FYB2: variants seen among roughly 807,000 people sequenced by gnomAD.
FYB2 encodes the protein FYN-binding protein 2.
In FYB2, 103 loss-of-function variants were observed where a neutral mutation model predicts 94.1. That is an observed-to-expected ratio of 1.09 (90% CI 0.93 to 1.29). FYB2 has a LOEUF of 1.29. FYB2 is among the 50% of genes most tolerant of loss of function. FYB2 has a pLI of 0.00. For synonymous variants in FYB2, 293 were observed against 287.9 expected, an observed-to-expected ratio of 1.02 and a Z score of -0.18; for missense variants, 896 against 841.5, an observed-to-expected ratio of 1.06 and a Z score of -0.80.
At position 56,720,399 on chromosome 1, in the gene FYB2, G is replaced by A. The variant is rs1159744087; in HGVS notation, c.1975-70C>T. 13 of 1,362,442 alleles carry A rather than the reference G, an allele frequency of 9.5e-6. No homozygotes were observed. The South Asian group carries it at 9.6e-5, about 10-fold the overall frequency. The allele number at this position is 1,362,442 out of a possible 1,614,324, so 84.4% of individuals were successfully genotyped here. A position where few individuals can be genotyped will look rare whatever the true frequency, so the allele number is the denominator to read the frequency against. On this transcript the variant is annotated intron_variant, in intron 17 of 19. Transcript: ENST00000343433. ...ATTTTTCATAACAAAATTAATGGAG[G>A]ATATAATATAGTAACTTCAAAATTA... is the stretch of plus-strand genomic sequence containing the variant.
chr1:56,817,836 C>T (rs1646918286), intron 1 of FYB2, among the ~76,000 whole-genome samples: 3 of 152,172 alleles, frequency 2.0e-5, no homozygotes, highest in African/African-American at 4.8e-5. Flanking sequence ...ATTTGCCTAA[C>T]ATTCTTCCTG....
intron 2 of FYB2, among the ~76,000 whole-genome samples, chr1:56,789,598 G>A (rs1047055442): frequency 4.3e-4 from 65 of 152,122 alleles, no homozygotes; most frequent in African/African-American, 1.5e-3. Context: ...CTGCTCCAAT[G>A]ACACCTCCTC....
chr1:56,787,066 C>T, intron 4 of FYB2, 109 bp downstream of exon 4: 1 of 1,235,572 alleles, frequency 8.1e-7, no homozygotes, highest in Non-Finnish European at 1.2e-6. Context: ...TTCTGAAACC[C>T]TTCTGAGAAA....
chr1:56,769,061 C>T (rs934430835), intron 4 of FYB2, among the ~76,000 whole-genome samples: 3 of 152,022 alleles, frequency 2.0e-5, no homozygotes, highest in Non-Finnish European at 4.4e-5. Context: ...TTTTTTGAGA[C>T]AGGTTCTCAT....
intron 1 of FYB2, among the ~76,000 whole-genome samples, chr1:56,812,847 A>G (rs554284936): frequency 7.9e-5 from 12 of 152,294 alleles, no homozygotes; most frequent in Non-Finnish European, 2.9e-5. Flanking sequence ...ATTTACATAA[A>G]TTCTCTCATT....
chr1:56,723,739 T>C, intron 16 of FYB2, 58 bp from the exon 17 acceptor site: 1 of 985,592 alleles, frequency 1.0e-6, no homozygotes, highest in Non-Finnish European at 1.5e-6. Context: ...TTTAAGTTTC[T>C]GAGCCTACGA....
chr1:56,728,382 T>C (rs1418956252), intron 15 of FYB2, among the ~76,000 whole-genome samples: 1 of 152,118 alleles, frequency 6.6e-6, no homozygotes. Flanking sequence ...CTTTGTTAAC[T>C]AATTTATCAA....
chr1:56,723,223 A>ACG (rs967576171), intron 17 of FYB2, among the ~76,000 whole-genome samples: 5 of 144,252 alleles, frequency 3.5e-5, no homozygotes, highest in South Asian at 4.4e-4. Flanking sequence ...ACACACACAC[A>ACG]CGCACACACA....
At chr1:56,749,395 A>AT (rs1645144402) in intron 9 of FYB2, among the ~76,000 whole-genome samples, 1 of 151,722 alleles carries the variant, frequency 6.6e-6, no homozygotes, top group South Asian at 2.1e-4. Context: ...TTTTAAAATC[A>AT]TTTTTCCCTA....
Position 56,755,345 on chromosome 1 carries a change from A to G in FYB2, c.1130+551T>C, listed in dbSNP as rs1224565892. Reference sequence around the variant, plus strand: ...CTGTGCAAACAGACCTTACAGTGGTACCACAGGCAAGGGATTGGTCACTTC... The same window carrying G: ...CTGTGCAAACAGACCTTACAGTGGTGCCACAGGCAAGGGATTGGTCACTTC... On this transcript the variant is annotated intron_variant, in intron 7 of 19. Transcript: ENST00000343433. 2.6e-5 allele frequency among the ~76,000 whole-genome samples: 4 copies of G among 152,122 alleles called. No individual in the cohort carries two copies. The East Asian group carries it at 7.7e-4, about 29-fold the overall frequency.
At position 56,808,707 on chromosome 1, in the gene FYB2, A is replaced by G. The variant is rs141782766; in HGVS notation, c.9+10575T>C. Among the ~76,000 whole-genome samples, 29 of 152,302 alleles carry G rather than the reference A, an allele frequency of 1.9e-4. 1 individual carries two copies. Among genetic ancestry groups the G allele is most frequent in the African/African-American group, 7.0e-4 (29 of 41,566 alleles). On this transcript the variant is annotated intron_variant, in intron 1 of 19. Transcript: ENST00000343433. Reference sequence around the variant, plus strand: ...CCATGCACTGCTAGCTTTAAAGAGAAACTGTGTACTGTATGCTGTAATAGA... The same window carrying G: ...CCATGCACTGCTAGCTTTAAAGAGAGACTGTGTACTGTATGCTGTAATAGA...
chr1:56,809,423 C>CTTTA (rs761721676), intron 1 of FYB2, among the ~76,000 whole-genome samples: 6 of 152,058 alleles, frequency 3.9e-5, no homozygotes, highest in Non-Finnish European at 8.8e-5. Flanking sequence ...TTTGCTCTTC[C>CTTTA]TTTATTCCCT....
chr1:56,819,449 G>A (rs564434564), upstream of FYB2: 469 of 1,047,570 alleles, frequency 4.5e-4, 2 homozygotes, highest in East Asian at 0.011. Context: ...CATCTGGGCC[G>A]AGGCTCCTCC....
chr1:56,738,606 A>T lies in FYB2; in HGVS notation c.1732+19T>A, dbSNP rs201163285. 155 of 1,606,874 alleles carry T rather than the reference A, an allele frequency of 9.6e-5. No homozygotes were observed. The highest frequency in any genetic ancestry group is 6.6e-4 in the Middle Eastern group (4 of 6,032). On this transcript the variant is annotated intron_variant, in intron 14 of 19. Coordinates refer to ENST00000343433, the MANE Select transcript of FYB2 (RefSeq NM_001004303.5). ...AAAAGCTGAGTACTTTTGGTCTGCA[A>T]TAAGCAAATGGCACTTACCTAAATC...
chr1:56,730,295 T>A (rs1211245646), intron 15 of FYB2, among the ~76,000 whole-genome samples: 1 of 82,250 alleles, frequency 1.2e-5, no homozygotes, highest in African/African-American at 4.6e-5. Flanking sequence ...GAGAGAGAGA[T>A]GGGGTGAGAA....
intron 5 of FYB2, among the ~76,000 whole-genome samples, chr1:56,767,116 C>A (rs764364116): frequency 1.3e-5 from 2 of 152,202 alleles, no homozygotes; most frequent in Non-Finnish European, 2.9e-5. Flanking sequence ...TAACACAGAA[C>A]TACAGTATCC....
In FYB2 at chr1:56,751,167, T is replaced by C; in HGVS notation, c.1264A>G (p.Met422Val). The change falls in exon 9 of 20, where the codon ATG becomes GTG. Residue 422 changes from methionine to valine, a missense_variant. Transcript: ENST00000343433. ...CTTCTACCTGTGTGGACGTTGGTCA[T>C]CTGAATTTTTTCAGGTGTCCCTTCA... The part of the protein sequence containing the change: ...ACEGTPEKIQ[M>V]TNVHTGRRNM... The C allele has an allele frequency of 3.1e-6, 5 of 1,612,672 alleles. No individual in the cohort carries two copies. The highest frequency in any genetic ancestry group is 1.1e-5 in the South Asian group (1 of 91,048).
At chr1:56,773,121 G>T (rs1317687280) in intron 4 of FYB2, among the ~76,000 whole-genome samples, 2 of 152,088 alleles carry the variant, frequency 1.3e-5, no homozygotes, top group Non-Finnish European at 2.9e-5. Flanking sequence ...TTCTAATTTT[G>T]TTTGGACTCC....
chr1:56,751,299 A>C, intron 8 of FYB2, 96 bp from the exon 9 acceptor site: 1 of 1,228,152 alleles, frequency 8.1e-7, no homozygotes, highest in Non-Finnish European at 1.1e-6. Context: ...CCTCATGGAT[A>C]ACAATTATTT....
Sources: allele counts gnomAD v4.1 joint callset (sites outside exome capture counted in the v4.1 genomes callset), GRCh38; gene constraint gnomAD v4.1.1; transcripts MANE v1.5; gene names NCBI Gene and HGNC (gene_info 2026-07-23, HGNC 2026-07-21).